The following GRXCR2 variants were observed in gnomAD, a reference collection of about 807,000 sequenced individuals.
The protein encoded by GRXCR2 is glutaredoxin domain-containing cysteine-rich protein 2.
A neutral mutation model predicts 24.8 loss-of-function variants in GRXCR2; 23 were observed. The ratio of observed to expected loss-of-function variants is 0.93; its 90% CI spans 0.67 to 1.32. The LOEUF (loss-of-function observed/expected upper bound fraction) is 1.32, where lower values mean the gene tolerates loss of function less well. GRXCR2 is among the 40% of genes most tolerant of loss of function. GRXCR2 has a pLI of 0.00. For synonymous variants in GRXCR2, 130 were observed against 116.1 expected, an observed-to-expected ratio of 1.12 and a Z score of -0.77; for missense variants, 315 against 303.4, an observed-to-expected ratio of 1.04 and a Z score of -0.28.
At chr5:145,894,749 T>C (rs1298316870) in intron 2 of GRXCR2, among the ~76,000 whole-genome samples, 1 of 151,924 alleles carries the variant, frequency 6.6e-6, no homozygotes, top group Non-Finnish European at 1.5e-5. Flanking sequence ...TTCCAATCAA[T>C]AGAAAAAGAG....
chr5:145,910,837 A>AGTGTGTGT lies in GRXCR2; in HGVS notation c.-70+24856_-70+24863dup, dbSNP rs59096502. ...GTAGATAAGAAGGGGAACTATGTGA[A>AGTGTGTGT]GTGTGTGTGTGTGTGTGTGTGTACC... On this transcript the variant is annotated intron_variant, in intron 2 of 3. Coordinates refer to the GRXCR2 transcript ENST00000639411. 2.5e-3 allele frequency among the ~76,000 whole-genome samples: 380 copies of AGTGTGTGT among 150,306 alleles called. 3 individuals carry two copies. The highest frequency in any genetic ancestry group is 7.8e-3 in the African/African-American group (321 of 41,016).
chr5:145,888,696 T>C (rs961036227), intron 2 of GRXCR2, among the ~76,000 whole-genome samples: 2 of 152,218 alleles, frequency 1.3e-5, no homozygotes, highest in African/African-American at 4.8e-5. Context: ...TAACTATTAC[T>C]ATAAATCTAG....
chr5:145,866,101 T>A (rs1177795708), intron 2 of GRXCR2, among the ~76,000 whole-genome samples: 4 of 137,374 alleles, frequency 2.9e-5, no homozygotes, highest in African/African-American at 1.1e-4. Flanking sequence ...GCCATTGAGA[T>A]CCTGCCCAGG....
chr5:145,902,996 G>C (rs1002076213), intron 2 of GRXCR2, among the ~76,000 whole-genome samples: 2 of 152,156 alleles, frequency 1.3e-5, no homozygotes, highest in African/African-American at 4.8e-5. Context: ...GCATTATGCA[G>C]CTTTTAAATA....
chr5:145,930,087 A>ATTATTTT (rs1757459414), intron 2 of GRXCR2, among the ~76,000 whole-genome samples: 2 of 120,118 alleles, frequency 1.7e-5, no homozygotes, highest in African/African-American at 6.2e-5. Context: ...TTTATTATTT[A>ATTATTTT]AAAACAATTT....
intron 2 of GRXCR2, among the ~76,000 whole-genome samples, chr5:145,905,024 C>A (rs1249607570): frequency 6.6e-6 from 1 of 152,178 alleles, no homozygotes; most frequent in East Asian, 1.9e-4. Context: ...TGGCTAAAGT[C>A]CTACTGGTCA....
Position 145,859,919 on chromosome 5 carries a change from C to A in GRXCR2, c.565-4G>T. ...TGTCCTCGGGAATATCCCCTTCCTG[C>A]AAGAGACAGGTTAGGGTTTAGTTAA... is the stretch of plus-strand genomic sequence containing the variant. On this transcript the variant is annotated splice_polypyrimidine_tract_variant and splice_region_variant and intron_variant, in intron 2 of 2. Coordinates refer to ENST00000377976, the MANE Select transcript of GRXCR2 (RefSeq NM_001080516.2). 6.4e-7 allele frequency: 1 copy of A among 1,561,846 alleles called. No individual in the cohort carries two copies. Among genetic ancestry groups the A allele is most frequent in the Non-Finnish European group, 8.7e-7 (1 of 1,153,800 alleles).
chr5:145,899,024 C>T lies in GRXCR2; in HGVS notation c.-69-32296G>A, dbSNP rs533425347. Reference sequence around the variant, plus strand: ...GACCTTGAAAATCCTAAAGACACCACCAAAAGGCTCTTGCAACTGACTTCA... The same window carrying T: ...GACCTTGAAAATCCTAAAGACACCATCAAAAGGCTCTTGCAACTGACTTCA... On this transcript the variant is annotated intron_variant, in intron 2 of 3. Transcript: ENST00000639411. 1.3e-4 allele frequency among the ~76,000 whole-genome samples: 20 copies of T among 152,050 alleles called. No individual in the cohort carries two copies. In the South Asian group the frequency reaches 3.9e-3, roughly 30 times the overall value.
chr5:145,930,697 T>A (rs1046798487), intron 2 of GRXCR2, among the ~76,000 whole-genome samples: 8 of 152,182 alleles, frequency 5.3e-5, no homozygotes. Flanking sequence ...AACTGAGCAA[T>A]CACATGGCCT....
At chr5:145,877,464 C>T (rs1160715064), upstream of GRXCR2, among the ~76,000 whole-genome samples, 4 of 151,336 alleles carry the variant, frequency 2.6e-5, no homozygotes, top group Non-Finnish European at 5.9e-5. Flanking sequence ...ATTCTCCTGC[C>T]TCATATGGAA....
intron 2 of GRXCR2, among the ~76,000 whole-genome samples, chr5:145,919,166 T>C (rs1423797384): frequency 2.6e-5 from 4 of 152,090 alleles, no homozygotes; most frequent in African/African-American, 9.7e-5. Context: ...TCCTCCTTTC[T>C]CCTTCAGTCC....
At chr5:145,910,033 G>A (rs920121957) in intron 2 of GRXCR2, among the ~76,000 whole-genome samples, 4 of 152,120 alleles carry the variant, frequency 2.6e-5, no homozygotes, top group African/African-American at 9.7e-5. Context: ...CATTGGAACT[G>A]TCACGCTGTG....
At chr5:145,922,823 C>A (rs532905095) in intron 2 of GRXCR2, among the ~76,000 whole-genome samples, 2 of 152,238 alleles carry the variant, frequency 1.3e-5, no homozygotes, top group African/African-American at 2.4e-5. Flanking sequence ...CTAGGCCAAA[C>A]TCCCAGAACT....
At chr5:145,868,484 G>A (rs376797992) in intron 1 of GRXCR2, among the ~76,000 whole-genome samples, 1 of 152,080 alleles carries the variant, frequency 6.6e-6, no homozygotes. Context: ...TTCTTCAAGG[G>A]ATCGTGTAGC....
chr5:145,915,605 T>C (rs1011518408), intron 2 of GRXCR2, among the ~76,000 whole-genome samples: 9 of 151,890 alleles, frequency 5.9e-5, no homozygotes, highest in African/African-American at 2.2e-4. Flanking sequence ...GCCAATATGG[T>C]GAAACCCCGA....
chr5:145,912,264 T>G (rs1465009874), intron 2 of GRXCR2, among the ~76,000 whole-genome samples: 1 of 152,104 alleles, frequency 6.6e-6, no homozygotes, highest in Non-Finnish European at 1.5e-5. Context: ...AGTGGGTCAA[T>G]CAGCAGTTAC....
intron 2 of GRXCR2, among the ~76,000 whole-genome samples, chr5:145,891,896 T>C (rs752558896): frequency 2.6e-4 from 40 of 152,206 alleles, no homozygotes; most frequent in Non-Finnish European, 4.4e-4. Flanking sequence ...TAGGGGCAGA[T>C]TGACACCTCA....
upstream of GRXCR2, among the ~76,000 whole-genome samples, chr5:145,876,216 T>TATATACAC (rs1420891903): frequency 6.0e-5 from 8 of 133,892 alleles, no homozygotes; most frequent in African/African-American, 2.0e-4. Context: ...TATATATATA[T>TATATACAC]ACACACACAC....
At chr5:145,919,051 A>G (rs1757282271) in intron 2 of GRXCR2, among the ~76,000 whole-genome samples, 1 of 152,134 alleles carries the variant, frequency 6.6e-6, no homozygotes, top group Admixed American at 6.5e-5. Flanking sequence ...TCTGCTTCAC[A>G]GGGACTGAGC....
Sources: allele counts gnomAD v4.1 joint callset (sites outside exome capture counted in the v4.1 genomes callset), GRCh38; gene constraint gnomAD v4.1.1; transcripts MANE v1.5; gene names NCBI Gene and HGNC (gene_info 2026-07-23, HGNC 2026-07-21).